Variants in GABRG3 observed in about 807,000 individuals in gnomAD.
GABRG3 encodes the protein gamma-aminobutyric acid receptor subunit gamma-3.
In GABRG3, 25 loss-of-function variants were observed where a neutral mutation model predicts 48.8. The ratio of observed to expected loss-of-function variants is 0.51; its 90% confidence interval spans 0.37 to 0.72. The LOEUF (loss-of-function observed/expected upper bound fraction) is 0.72, where lower values mean the gene tolerates loss of function less well. GABRG3 is among the 30% of genes least tolerant of loss of function. The probability of loss-of-function intolerance (pLI) is 0.00; values close to 1 mark genes in which losing one functional copy is unlikely to be tolerated. For missense variants in GABRG3, 394 were observed against 577.9 expected (o/e 0.68, Z 3.26); for synonymous variants, 227 against 217.6 (o/e 1.04, Z -0.38).
intron 3 of GABRG3, among the ~76,000 whole-genome samples, chr15:27,112,028 G>A (rs1897559560): frequency 6.6e-6 from 1 of 152,162 alleles, no homozygotes. Flanking sequence ...GAATCTGGTG[G>A]AACGCTTGAA....
chr15:27,480,178 G>A (rs1263854657), intron 5 of GABRG3, among the ~76,000 whole-genome samples: 1 of 152,234 alleles, frequency 6.6e-6, no homozygotes, highest in Non-Finnish European at 1.5e-5. Flanking sequence ...AGGAGAAAGG[G>A]TCTATCAAAT....
chr15:27,470,285 G>A (rs113448622), intron 5 of GABRG3, among the ~76,000 whole-genome samples: 35 of 148,774 alleles, frequency 2.4e-4, no homozygotes, highest in African/African-American at 6.2e-4. Context: ...CTGTAATGGC[G>A]CGATCTTAGC....
intron 5 of GABRG3, among the ~76,000 whole-genome samples, chr15:27,464,099 A>G (rs1595771551): frequency 6.6e-6 from 1 of 152,104 alleles, no homozygotes; most frequent in Non-Finnish European, 1.5e-5. Context: ...ATTGAGATAT[A>G]TTTCACATAC....
intron 3 of GABRG3, among the ~76,000 whole-genome samples, chr15:27,112,321 A>G (rs556025240): frequency 1.3e-5 from 2 of 152,282 alleles, no homozygotes; most frequent in African/African-American, 4.8e-5. Context: ...TTCTTGTTGT[A>G]AAGCAGGAGT....
chr15:27,345,587 G>A (rs1232646505), intron 5 of GABRG3, among the ~76,000 whole-genome samples: 1 of 152,120 alleles, frequency 6.6e-6, no homozygotes, highest in East Asian at 1.9e-4. Flanking sequence ...TTATAAAAAT[G>A]AAGAAAAAGA....
At chr15:27,526,986 T>C (rs1015116607) in intron 7 of GABRG3, among the ~76,000 whole-genome samples, 2 of 152,162 alleles carry the variant, frequency 1.3e-5, no homozygotes, top group African/African-American at 2.4e-5. Context: ...TGTTGTCAGC[T>C]CTGCGTGGAA....
intron 3 of GABRG3, among the ~76,000 whole-genome samples, chr15:27,177,191 A>G (rs942298938): frequency 6.6e-6 from 1 of 152,170 alleles, no homozygotes; most frequent in Non-Finnish European, 1.5e-5. Context: ...CTTGGGCAGC[A>G]GCTTATAGGA....
intron 3 of GABRG3, among the ~76,000 whole-genome samples, chr15:27,076,318 C>CTTTTT (rs1230817571): frequency 1.8e-4 from 19 of 106,482 alleles, no homozygotes; most frequent in Admixed American, 2.1e-4. Context: ...AGCCAACTGT[C>CTTTTT]TTTTTTTTTT....
chr15:27,396,183 T>G (rs1364192499), intron 5 of GABRG3, among the ~76,000 whole-genome samples: 4 of 152,202 alleles, frequency 2.6e-5, no homozygotes, highest in Admixed American at 1.3e-4. Context: ...TAAAGTCTTT[T>G]GCTCTGCCAT....
At chr15:27,372,215 A>G (rs887745465) in intron 5 of GABRG3, among the ~76,000 whole-genome samples, 2 of 152,176 alleles carry the variant, frequency 1.3e-5, no homozygotes, top group African/African-American at 4.8e-5. Flanking sequence ...AGGAAAAACC[A>G]ATATTTGAAA....
At chr15:27,337,246 A>G (rs2140525630) in intron 5 of GABRG3, among the ~76,000 whole-genome samples, 1 of 152,260 alleles carries the variant, frequency 6.6e-6, no homozygotes, top group South Asian at 2.1e-4. Flanking sequence ...TATTTCTTAA[A>G]TCATAGCTGT....
intron 5 of GABRG3, among the ~76,000 whole-genome samples, chr15:27,437,428 A>G (rs1374669580): frequency 6.6e-6 from 1 of 152,248 alleles, no homozygotes; most frequent in East Asian, 1.9e-4. Flanking sequence ...CACTTAGAAC[A>G]GAGGAAAATG....
chr15:27,229,522 G>A (rs1439665926), intron 3 of GABRG3, among the ~76,000 whole-genome samples: 2 of 151,844 alleles, frequency 1.3e-5, no homozygotes, highest in Non-Finnish European at 2.9e-5. Flanking sequence ...TGTCACTCAG[G>A]CTGGAGTGCA....
At chr15:27,279,927 G>T (rs957487466) in intron 3 of GABRG3, among the ~76,000 whole-genome samples, 1 of 151,882 alleles carries the variant, frequency 6.6e-6, no homozygotes, top group Admixed American at 6.6e-5. Context: ...TTTAAAATTC[G>T]TGTTTTTTAC....
At chr15:27,016,003 C>G (rs1052745181) in intron 2 of GABRG3, among the ~76,000 whole-genome samples, 2 of 152,082 alleles carry the variant, frequency 1.3e-5, no homozygotes, top group Admixed American at 6.5e-5. Context: ...CCACCTACCT[C>G]TTTGTATACT....
chr15:27,238,717 T>G (rs903264840), intron 3 of GABRG3, among the ~76,000 whole-genome samples: 1 of 152,076 alleles, frequency 6.6e-6, no homozygotes, highest in African/African-American at 2.4e-5. Flanking sequence ...TGCAAAGGAG[T>G]TGGATATTTT....
chr15:27,372,460 A>G (rs1490203091), intron 5 of GABRG3, among the ~76,000 whole-genome samples: 2 of 152,162 alleles, frequency 1.3e-5, no homozygotes, highest in East Asian at 3.9e-4. Context: ...TGGAGCAGTC[A>G]TAGCTTACTG....
At chr15:27,327,743 G>A (rs1415681286) in intron 4 of GABRG3, among the ~76,000 whole-genome samples, 1 of 152,156 alleles carries the variant, frequency 6.6e-6, no homozygotes, top group Non-Finnish European at 1.5e-5. Flanking sequence ...TGAGGTCTCA[G>A]AAGCCCTGGG....
At chr15:27,233,752 G>GA (rs1889873484) in intron 3 of GABRG3, among the ~76,000 whole-genome samples, 1 of 152,202 alleles carries the variant, frequency 6.6e-6, no homozygotes, top group South Asian at 2.1e-4. Flanking sequence ...TTCTACAAAA[G>GA]ATACCAGACG....
Sources: allele counts gnomAD v4.1 joint callset (sites outside exome capture counted in the v4.1 genomes callset), GRCh38; gene constraint gnomAD v4.1.1; transcripts MANE v1.5; gene names NCBI Gene and HGNC (gene_info 2026-07-23, HGNC 2026-07-21).